Variants in SPAG16 observed in about 807,000 individuals in gnomAD.
SPAG16 encodes the protein sperm-associated antigen 16 protein.
SPAG16 carries 86 observed loss-of-function variants against 80.4 expected under a neutral mutation model. That is an observed-to-expected ratio of 1.07 (90% CI 0.90 to 1.28). The LOEUF is 1.28. SPAG16 is among the 50% of genes most tolerant of loss of function. The pLI is 0.00. For missense variants in SPAG16, 870 were observed against 765.3 expected (o/e 1.14, Z -1.61); for synonymous variants, 294 against 265.9 (o/e 1.11, Z -1.03).
At chr2:214,382,157 G>A (rs1700485111) in intron 15 of SPAG16, among the ~76,000 whole-genome samples, 1 of 152,130 alleles carries the variant, frequency 6.6e-6, no homozygotes, top group African/African-American at 2.4e-5. Context: ...AATATTTATG[G>A]CTCACCCACG....
chr2:213,515,562 C>A (rs537061423), intron 10 of SPAG16, among the ~76,000 whole-genome samples: 1 of 152,188 alleles, frequency 6.6e-6, no homozygotes, highest in African/African-American at 2.4e-5. Context: ...GATGTAATTC[C>A]TTTTTTTCCA....
At chr2:213,534,521 T>C (rs1348147006) in intron 10 of SPAG16, among the ~76,000 whole-genome samples, 1 of 152,152 alleles carries the variant, frequency 6.6e-6, no homozygotes, top group Non-Finnish European at 1.5e-5. Flanking sequence ...AAATTTGTGA[T>C]ATATTTATAA....
intron 13 of SPAG16, among the ~76,000 whole-genome samples, chr2:214,105,497 T>C (rs1356366657): frequency 6.6e-6 from 1 of 152,188 alleles, no homozygotes; most frequent in Non-Finnish European, 1.5e-5. Context: ...GCAATTTGTT[T>C]AAGGTCACAC....
At chr2:214,304,128 T>C (rs182904802) in intron 15 of SPAG16, among the ~76,000 whole-genome samples, 33 of 152,322 alleles carry the variant, frequency 2.2e-4, no homozygotes, top group African/African-American at 7.5e-4. Context: ...TCTGTTCCTA[T>C]GTTACTTTGC....
At chr2:214,149,547 C>T (rs1188454126) in intron 15 of SPAG16, among the ~76,000 whole-genome samples, 1 of 151,914 alleles carries the variant, frequency 6.6e-6, no homozygotes, top group Admixed American at 6.6e-5. Context: ...ATATTCAAAC[C>T]TCCATTCCTC....
intron 15 of SPAG16, among the ~76,000 whole-genome samples, chr2:214,313,235 C>T (rs1419786859): frequency 1.3e-5 from 2 of 152,026 alleles, no homozygotes; most frequent in Non-Finnish European, 2.9e-5. Context: ...AAATATTTGT[C>T]AATGCTGCAA....
chr2:214,196,880 G>T (rs1025659116), intron 15 of SPAG16, among the ~76,000 whole-genome samples: 3 of 151,934 alleles, frequency 2.0e-5, no homozygotes, highest in African/African-American at 7.2e-5. Flanking sequence ...CAATTTTCTC[G>T]CTTTATATTC....
intron 10 of SPAG16, among the ~76,000 whole-genome samples, chr2:213,725,984 C>T (rs1460018533): frequency 6.6e-6 from 1 of 152,192 alleles, no homozygotes; most frequent in Non-Finnish European, 1.5e-5. Flanking sequence ...AGAGAGATCT[C>T]TTTTTCGGCA....
At chr2:213,515,677 G>A (rs1455880908) in intron 10 of SPAG16, among the ~76,000 whole-genome samples, 1 of 152,064 alleles carries the variant, frequency 6.6e-6, no homozygotes, top group African/African-American at 2.4e-5. Flanking sequence ...TTCTTACCTT[G>A]GCGCTTTAAA....
At chr2:213,349,189 A>G (rs547123154) in intron 6 of SPAG16, among the ~76,000 whole-genome samples, 4 of 152,364 alleles carry the variant, frequency 2.6e-5, no homozygotes, top group Admixed American at 1.3e-4. Flanking sequence ...AATGCAGCCA[A>G]TGCGGCTTAA....
chr2:214,206,414 A>G (rs1320342605), intron 15 of SPAG16, among the ~76,000 whole-genome samples: 1 of 152,178 alleles, frequency 6.6e-6, no homozygotes, highest in African/African-American at 2.4e-5. Flanking sequence ...CACTTAAGAT[A>G]ATGTCCTCCA....
chr2:213,771,024 A>G (rs1488856877), intron 10 of SPAG16, among the ~76,000 whole-genome samples: 1 of 152,048 alleles, frequency 6.6e-6, no homozygotes, highest in Admixed American at 6.6e-5. Flanking sequence ...TTCTAGGTCT[A>G]TGAGGAATCA....
At chr2:213,315,915 G>T (rs1053691192) in intron 4 of SPAG16, among the ~76,000 whole-genome samples, 19 of 151,762 alleles carry the variant, frequency 1.3e-4, no homozygotes, top group Admixed American at 1.3e-4. Context: ...CCCTCAACCT[G>T]GAAGCAGTGT....
intron 9 of SPAG16, among the ~76,000 whole-genome samples, chr2:213,381,808 C>T (rs1318022442): frequency 1.3e-5 from 2 of 152,222 alleles, no homozygotes; most frequent in Admixed American, 1.3e-4. Flanking sequence ...AAACCCCTAA[C>T]CAGTCAGCCA....
intron 12 of SPAG16, among the ~76,000 whole-genome samples, chr2:214,006,057 A>G (rs1474654800): frequency 1.3e-5 from 2 of 152,202 alleles, no homozygotes; most frequent in African/African-American, 4.8e-5. Flanking sequence ...AGCTCTTACT[A>G]AGGGTTAATA....
In SPAG16 at chr2:213,284,756, T is replaced by C. The variant is rs776583611; in HGVS notation, c.136+137T>C. On this transcript the variant is annotated intron_variant, in intron 1 of 15. Coordinates refer to ENST00000331683, the MANE Select transcript of SPAG16 (RefSeq NM_024532.5). ...GAGCCTCTGTTGGACTTCAAGGTGC[T>C]GTTTTTGCCACCACAGTCTTCCTGA... is the stretch of plus-strand genomic sequence containing the variant. 2.4e-6 allele frequency: 3 copies of C among 1,265,328 alleles called. No individual in the cohort carries two copies. In the South Asian group the frequency reaches 4.8e-5, roughly 20 times the overall value. The allele number at this position is 1,265,328 out of a possible 1,614,324, so 78.4% of individuals were successfully genotyped here. A position where few individuals can be genotyped will look rare whatever the true frequency, so the allele number is the denominator to read the frequency against.
chr2:213,752,731 A>C lies in SPAG16; in HGVS notation c.1071-109754A>C, dbSNP rs189551192. Among the ~76,000 whole-genome samples the C allele has an allele frequency of 5.9e-5, 9 of 152,310 alleles. No individual in the cohort carries two copies. In the East Asian group the frequency reaches 1.7e-3, roughly 29 times the overall value. On this transcript the variant is annotated intron_variant, in intron 10 of 15. Transcript: ENST00000331683. The stretch of plus-strand genomic sequence containing the variant: ...CTACACAGTACACTAAAACACAACT[A>C]ATTATACTTCACATTAATGAATAGG...
At chr2:213,490,211 A>G in intron 10 of SPAG16, 121 bp downstream of exon 10, 2 of 923,788 alleles carry the variant, frequency 2.2e-6, no homozygotes, top group Non-Finnish European at 3.1e-6. Flanking sequence ...ATTGCTACTC[A>G]TAGCATGAAA....
At chr2:214,072,862 C>T (rs1482615012) in intron 13 of SPAG16, among the ~76,000 whole-genome samples, 1 of 152,048 alleles carries the variant, frequency 6.6e-6, no homozygotes, top group East Asian at 1.9e-4. Context: ...TAAAACCCAA[C>T]TTGGATTTAG....
Sources: allele counts gnomAD v4.1 joint callset (sites outside exome capture counted in the v4.1 genomes callset), GRCh38; gene constraint gnomAD v4.1.1; transcripts MANE v1.5; gene names NCBI Gene and HGNC (gene_info 2026-07-23, HGNC 2026-07-21).